Variants in GPCPD1 observed in about 807,000 individuals in gnomAD.
The protein encoded by GPCPD1 is glycerophosphocholine phosphodiesterase GPCPD1.
Under a neutral mutation model 89.2 loss-of-function variants are expected in GPCPD1, and 29 were observed. That is an observed-to-expected ratio of 0.33 (90% confidence interval 0.24 to 0.44). GPCPD1 has a LOEUF of 0.44. Among genes scored for constraint, GPCPD1 ranks in the 20% least tolerant of loss-of-function variants. The pLI is 1.00. For synonymous variants in GPCPD1, 258 were observed against 266.3 expected (o/e 0.97, Z 0.30); for missense variants, 594 against 808.9 (o/e 0.73, Z 3.22).
At chr20:5,549,314 A>G (rs1985229673) in intron 19 of GPCPD1, 2 of 1,009,670 alleles carry the variant, frequency 2.0e-6, no homozygotes, top group Non-Finnish European at 3.1e-6. Flanking sequence ...AGGTGATAAG[A>G]TAGCAGTATG....
At chr20:5,590,613 G>A (rs1443379096) in intron 4 of GPCPD1, among the ~76,000 whole-genome samples, 7 of 151,460 alleles carry the variant, frequency 4.6e-5, no homozygotes, top group African/African-American at 1.7e-4. Flanking sequence ...TAAAGCAAAG[G>A]AAGCTAGGCC....
At chr20:5,552,437 C>T (rs1985474260) in intron 19 of GPCPD1, among the ~76,000 whole-genome samples, 1 of 152,218 alleles carries the variant, frequency 6.6e-6, no homozygotes, top group Admixed American at 6.5e-5. Context: ...TTCCTGTTCT[C>T]CATTAAATGT....
intron 6 of GPCPD1, among the ~76,000 whole-genome samples, chr20:5,581,445 A>T (rs2122696361): frequency 6.6e-6 from 1 of 152,348 alleles, no homozygotes; most frequent in East Asian, 1.9e-4. Flanking sequence ...CAATTGTTCT[A>T]CTAGGGATCA....
chr20:5,547,814 G>A lies in GPCPD1; in HGVS notation c.1866C>T (p.Phe622=), dbSNP rs199999072. 3 of 1,608,306 alleles carry A rather than the reference G, an allele frequency of 1.9e-6. No homozygotes were observed. The highest frequency in any genetic ancestry group is 2.6e-6 in the Non-Finnish European group (3 of 1,175,622). Residue 622 remains phenylalanine (F), a synonymous_variant, in exon 20 of 20, where the codon TTC becomes TTT. Transcript: ENST00000379019. ...TCAGGCGTTCCAATTGCTCCACTTGGAATATATTTGGTTGTTCAGGCATCC... is the reference window on the plus strand; with the variant it reads ...TCAGGCGTTCCAATTGCTCCACTTGAAATATATTTGGTTGTTCAGGCATCC... ...YDWMPEQPNI[F]QVEQLERLKQ...
At chr20:5,556,133 AT>A (rs1436746454) in intron 19 of GPCPD1, among the ~76,000 whole-genome samples, 7 of 152,220 alleles carry the variant, frequency 4.6e-5, no homozygotes, top group Non-Finnish European at 8.8e-5. Flanking sequence ...GTAATAACGT[AT>A]TTTAAAATTA....
At chr20:5,563,405 T>C (rs567185243) in intron 15 of GPCPD1, among the ~76,000 whole-genome samples, 54 of 152,370 alleles carry the variant, frequency 3.5e-4, no homozygotes, top group African/African-American at 1.2e-3. Context: ...CTGGGAATCA[T>C]GAGATTTCTA....
At position 5,557,962 on chromosome 20, in the gene GPCPD1, A is replaced by G. The variant is rs770003093; in HGVS notation, c.1812T>C (p.Asn604=). 1 of 1,590,390 alleles carries G rather than the reference A, an allele frequency of 6.3e-7. No homozygotes were observed. Among genetic ancestry groups the G allele is most frequent in the African/African-American group, 1.3e-5 (1 of 74,410 alleles). ...ACAAATACCTATCATAAATTAGACC[A>G]TTAACTCCAAGTTCCTTCAATTTCC... is the stretch of plus-strand genomic sequence containing the variant. The part of the protein sequence containing the change: ...NRRKLKELGV[N]GLIYDRIYDW... The change falls in exon 19 of 20, where the codon AAT becomes AAC. Residue 604 remains asparagine, a synonymous_variant. Transcript: ENST00000379019.
rs1184265698 is a variant in GPCPD1 at position 5,575,436 on chromosome 20, T to G, written c.978A>C (p.Ala326=). 1 of 1,609,614 alleles carries G rather than the reference T, an allele frequency of 6.2e-7. No homozygotes were observed. Among genetic ancestry groups the G allele is most frequent in the Non-Finnish European group, 8.5e-7 (1 of 1,176,558 alleles). The part of the protein sequence containing the change: ...RIPLDVGHRG[A]GNSTTTAQLA... ...ACTGGGCAGTTGTTGTAGAGTTTCC[T>G]GCACCTCGATGGCCAACATCCAATG... The change falls in exon 10 of 20, where the codon GCA becomes GCC. Residue 326 remains alanine, a synonymous_variant. Coordinates refer to ENST00000379019, the MANE Select transcript of GPCPD1 (RefSeq NM_019593.5).
intron 19 of GPCPD1, 45 bp from the exon 20 acceptor site, chr20:5,547,895 T>C: frequency 9.0e-7 from 1 of 1,109,428 alleles, no homozygotes; most frequent in Non-Finnish European, 1.3e-6. Context: ...TGTAATTTTA[T>C]GGTTTACCTA....
chr20:5,573,763 T>C (rs1300080794), intron 11 of GPCPD1, 152 bp downstream of exon 11: 11 of 708,200 alleles, frequency 1.6e-5, no homozygotes, highest in Admixed American at 4.8e-5. Flanking sequence ...GAAAAGATGC[T>C]TATGGTTCTA....
intron 1 of GPCPD1, among the ~76,000 whole-genome samples, chr20:5,605,576 C>T (rs1000324098): frequency 2.6e-5 from 4 of 152,058 alleles, no homozygotes; most frequent in African/African-American, 9.7e-5. Flanking sequence ...GTCAGGAGTT[C>T]AAGACCAGCC....
At chr20:5,581,814 C>CTTTTTTTTTTTTTTTTTTTTTTTTTT (rs11479995) in intron 6 of GPCPD1, among the ~76,000 whole-genome samples, 2 of 75,016 alleles carry the variant, frequency 2.7e-5, no homozygotes, top group African/African-American at 1.5e-4. Context: ...GGGACTTTAA[C>CTTTTTTTTTTTTTTTTTTTTTTTTTT]TTTTTTTTTT....
At chr20:5,572,805 TA>T (rs746196541) in intron 11 of GPCPD1, among the ~76,000 whole-genome samples, 13 of 92,910 alleles carry the variant, frequency 1.4e-4, no homozygotes, top group Admixed American at 1.9e-4. Flanking sequence ...CTAACTGGAT[TA>T]AAAAAAAAAA....
intron 7 of GPCPD1, among the ~76,000 whole-genome samples, chr20:5,579,474 A>C (rs1397546421): frequency 6.6e-6 from 1 of 152,114 alleles, no homozygotes; most frequent in Non-Finnish European, 1.5e-5. Context: ...CAGCCTCCCA[A>C]GCAGCTGGGA....
chr20:5,559,788 G>C (rs904363327), intron 17 of GPCPD1, 152 bp downstream of exon 17: 1 of 467,646 alleles, frequency 2.1e-6, no homozygotes, highest in Non-Finnish European at 3.9e-6. Flanking sequence ...CTAGCAAACA[G>C]TCAAGAAAGG....
Position 5,547,761 on chromosome 20 carries a change from C to T in GPCPD1, c.1919G>A (p.Cys640Tyr). The T allele has an allele frequency of 2.5e-6, 4 of 1,611,310 alleles. No individual in the cohort carries two copies. Among genetic ancestry groups the T allele is most frequent in the Non-Finnish European group, 3.4e-6 (4 of 1,177,418 alleles). ...LKQELPELKSCLCPTVSRFVP... is the reference protein window; with the variant it reads ...LKQELPELKSYLCPTVSRFVP... ...AAAGCGGCTAACAGTGGGACACAAA[C>T]AGCTCTTAAGCTCTGGCAATTCCTG... The change falls in exon 20 of 20, where the codon TGT becomes TAT. Residue 640 changes from cysteine (C) to tyrosine (Y), a missense_variant. Coordinates refer to ENST00000379019, the MANE Select transcript of GPCPD1 (RefSeq NM_019593.5).
intron 3 of GPCPD1, among the ~76,000 whole-genome samples, chr20:5,597,071 G>GT (rs1433238907): frequency 7.2e-5 from 11 of 151,998 alleles, no homozygotes; most frequent in Non-Finnish European, 1.3e-4. Context: ...TCTGAAAATC[G>GT]AAGAAAAAAT....
intron 8 of GPCPD1, among the ~76,000 whole-genome samples, chr20:5,576,617 C>T (rs1324860799): frequency 6.6e-6 from 1 of 151,964 alleles, no homozygotes; most frequent in Non-Finnish European, 1.5e-5. Context: ...GAGTCTCATT[C>T]AGTATAAGCA....
chr20:5,557,357 T>A (rs972301618), intron 19 of GPCPD1, among the ~76,000 whole-genome samples: 2 of 152,212 alleles, frequency 1.3e-5, no homozygotes, highest in African/African-American at 4.8e-5. Flanking sequence ...GCTGCTTTAC[T>A]TGAGTGACAA....
Sources: gnomAD v4.1 joint callset for allele counts (sites outside exome capture counted in the v4.1 genomes callset) on GRCh38, gnomAD v4.1.1 for gene constraint, MANE v1.5 for transcripts, NCBI Gene and HGNC (gene_info 2026-07-23, HGNC 2026-07-21) for gene names.